The following ORC4 variants were observed in gnomAD, a reference collection of about 807,000 sequenced individuals.
The protein encoded by ORC4 is origin recognition complex subunit 4, also known as origin recognition complex, subunit 4 homolog.
In ORC4, 55 loss-of-function variants were observed where a neutral mutation model predicts 63.9. The observed-to-expected ratio is 0.86, with a 90% CI of 0.69 to 1.08. ORC4 has a LOEUF of 1.08. Ranked by LOEUF, ORC4 falls within the 50% of genes least tolerant of loss-of-function variation. The pLI is 0.00. For missense variants in ORC4, 511 were observed against 504.4 expected (o/e 1.01, Z -0.13); for synonymous variants, 150 against 168.5 (o/e 0.89, Z 0.85).
At chr2:147,982,160 C>A (rs548328753) in intron 1 of ORC4, 1 of 152,294 alleles carries the variant, frequency 6.6e-6, no homozygotes, top group South Asian at 2.1e-4. Flanking sequence ...GAAAAGTGGT[C>A]TTCTCAGCTG....
At chr2:147,986,195 C>G (rs1691193046) in intron 1 of ORC4, among the ~76,000 whole-genome samples, 1 of 152,054 alleles carries the variant, frequency 6.6e-6, no homozygotes, top group Non-Finnish European at 1.5e-5. Context: ...AGGAATTGTG[C>G]AGATAAAATG....
chr2:148,006,706 T>C (rs928124380), intron 1 of ORC4, among the ~76,000 whole-genome samples: 2 of 152,204 alleles, frequency 1.3e-5, no homozygotes, highest in African/African-American at 4.8e-5. Flanking sequence ...TGGGATGGAC[T>C]CAGTCTTGGC....
intron 1 of ORC4, among the ~76,000 whole-genome samples, chr2:148,008,630 T>TTACCTGC (rs960411264): frequency 6.6e-6 from 1 of 152,174 alleles, no homozygotes; most frequent in African/African-American, 2.4e-5. Flanking sequence ...CTCATTCCAA[T>TTACCTGC]TACCTGCTAC....
chr2:147,943,514 TGAGA>T lies in ORC4; in HGVS notation c.767_770del (p.Leu256GlnfsTer27), dbSNP rs1558831442. 7 of 1,566,522 alleles carry T rather than the reference TGAGA, an allele frequency of 4.5e-6. No homozygotes were observed. Among genetic ancestry groups the T allele is most frequent in the South Asian group, 1.1e-5 (1 of 89,504 alleles). ...GTACTTCTTGCACACTTCTATCTTC[TGAGA>T]GATACTAAAAGGAAAAAAAAAAAAA... On this transcript the variant is annotated frameshift_variant, in exon 10 of 14. Transcript: ENST00000392857. LOFTEE classifies it high-confidence loss of function.
At chr2:147,959,880 A>C (rs1264101514) in intron 4 of ORC4, among the ~76,000 whole-genome samples, 1 of 152,184 alleles carries the variant, frequency 6.6e-6, no homozygotes, top group Non-Finnish European at 1.5e-5. Flanking sequence ...GTAACATTAA[A>C]GGACTGCATA....
chr2:148,007,499 A>C (rs1486591143), intron 1 of ORC4, among the ~76,000 whole-genome samples: 1 of 152,222 alleles, frequency 6.6e-6, no homozygotes, highest in Non-Finnish European at 1.5e-5. Flanking sequence ...GTGAGCTTGA[A>C]GACAGGTTTA....
chr2:147,978,783 T>G (rs1308406364), intron 1 of ORC4, among the ~76,000 whole-genome samples: 1 of 152,198 alleles, frequency 6.6e-6, no homozygotes, highest in African/African-American at 2.4e-5. Flanking sequence ...GATTTATCTT[T>G]GGAATGCAAA....
chr2:147,958,464 A>G, intron 5 of ORC4, 81 bp from the exon 6 acceptor site: 1 of 992,890 alleles, frequency 1.0e-6, no homozygotes, highest in Non-Finnish European at 1.6e-6. Context: ...AGTTAAGTAA[A>G]TCTTCCCAGT....
At chr2:147,944,600 G>GA (rs886861853) in intron 9 of ORC4, among the ~76,000 whole-genome samples, 2 of 150,152 alleles carry the variant, frequency 1.3e-5, no homozygotes, top group African/African-American at 4.9e-5. Flanking sequence ...AAGATTAGAT[G>GA]AAAAAAGAGT....
intron 4 of ORC4, among the ~76,000 whole-genome samples, chr2:147,962,265 C>A (rs192484479): frequency 6.6e-6 from 1 of 152,300 alleles, no homozygotes; most frequent in East Asian, 1.9e-4. Context: ...ATCCCATAGT[C>A]CTAGCAAGCC....
intron 1 of ORC4, among the ~76,000 whole-genome samples, chr2:147,977,166 T>C (rs1015127278): frequency 2.0e-5 from 3 of 152,190 alleles, no homozygotes; most frequent in African/African-American, 7.2e-5. Context: ...AGGCTAGGTA[T>C]GTTGACCAAA....
chr2:147,989,356 A>G lies in ORC4; in HGVS notation c.-17-13381T>C, dbSNP rs550491844. 2.0e-5 allele frequency among the ~76,000 whole-genome samples: 3 copies of G among 152,270 alleles called. No individual in the cohort carries two copies. In the South Asian group the frequency reaches 6.2e-4, roughly 32 times the overall value. ...TCTGGGCCTGCATACCTCAGAGCTCAGACTGTTCTGAGCATTTTTTGTTTT... is the reference window on the plus strand; with the variant it reads ...TCTGGGCCTGCATACCTCAGAGCTCGGACTGTTCTGAGCATTTTTTGTTTT... On this transcript the variant is annotated intron_variant, in intron 1 of 13. Transcript: ENST00000392857.
chr2:148,015,307 A>ATTTTT (rs1158861758), intron 1 of ORC4, among the ~76,000 whole-genome samples: 76 of 92,284 alleles, frequency 8.2e-4, no homozygotes, highest in Middle Eastern at 7.1e-3. Flanking sequence ...TGATATTGGA[A>ATTTTT]TTTTTTTTTT....
intron 1 of ORC4, among the ~76,000 whole-genome samples, chr2:148,014,793 A>C (rs1273098717): frequency 6.6e-6 from 1 of 152,196 alleles, no homozygotes; most frequent in Non-Finnish European, 1.5e-5. Flanking sequence ...GATTATTTAA[A>C]ATACGTGGGA....
intron 1 of ORC4, among the ~76,000 whole-genome samples, chr2:147,995,191 T>TGCACCAATCAGCAATCTATAAAAAC (rs1691880605): frequency 6.6e-6 from 1 of 151,148 alleles, no homozygotes; most frequent in Non-Finnish European, 1.5e-5. Context: ...GGATTGTAAA[T>TGCACCAATCAGCAATCTATAAAAAC]GCACCAATCA....
intron 9 of ORC4, among the ~76,000 whole-genome samples, chr2:147,944,542 G>A (rs2105275546): frequency 6.6e-6 from 1 of 152,120 alleles, no homozygotes; most frequent in East Asian, 1.9e-4. Flanking sequence ...GCAAGTGACT[G>A]CAGTAATTAG....
At chr2:148,011,449 A>G (rs1318444267) in intron 1 of ORC4, among the ~76,000 whole-genome samples, 1 of 152,200 alleles carries the variant, frequency 6.6e-6, no homozygotes, top group Non-Finnish European at 1.5e-5. Flanking sequence ...ACTCTCAGCA[A>G]ACTGGGGACA....
Position 147,933,228 on chromosome 2 carries a change from TACATTATTCTTGAACCGCTTTTTAA to T in ORC4, c.*2257_*2281del, listed in dbSNP as rs1248424965. 2 of 152,168 alleles carry T rather than the reference TACATTATTCTTGAACCGCTTTTTAA, an allele frequency of 1.3e-5. No homozygotes were observed. The highest frequency in any genetic ancestry group is 2.9e-5 in the Non-Finnish European group (2 of 68,020). 9.4% of individuals were successfully genotyped at this position (152,168 alleles called of 1,614,324 possible). A position where few individuals can be genotyped will look rare whatever the true frequency, so the allele number is the denominator to read the frequency against. ...AGAAAATAAGCTATATGTATAAGTT[TACATTATTCTTGAACCGCTTTTTAA>T]ACTAGGGTTTTTCATATTTGTTTTT... On this transcript the variant is annotated 3_prime_UTR_variant, in exon 14 of 14. Transcript: ENST00000392857.
intron 4 of ORC4, among the ~76,000 whole-genome samples, chr2:147,970,739 T>C (rs553026694): frequency 1.3e-5 from 2 of 151,986 alleles, no homozygotes; most frequent in East Asian, 3.9e-4. Context: ...AGAAGATACA[T>C]AGGAAAAAAT....
Sources: allele counts gnomAD v4.1 joint callset (sites outside exome capture counted in the v4.1 genomes callset), GRCh38; gene constraint gnomAD v4.1.1; transcripts MANE v1.5; gene names NCBI Gene and HGNC (gene_info 2026-07-23, HGNC 2026-07-21).